PAK5: variants seen among roughly 807,000 people sequenced by gnomAD.
PAK5 encodes p21 (RAC1) activated kinase 5.
Under a neutral mutation model 65.9 loss-of-function variants are expected in PAK5, and 16 were observed. The ratio of observed to expected loss-of-function variants is 0.24; its 90% confidence interval spans 0.16 to 0.37. The LOEUF (loss-of-function observed/expected upper bound fraction) is 0.37. PAK5 is among the 10% of genes least tolerant of loss of function. The pLI, the probability that PAK5 is intolerant of heterozygous loss-of-function variation, is 1.00. For synonymous variants in PAK5, 371 were observed against 354.9 expected (o/e 1.05, Z -0.51); for missense variants, 785 against 903.9 (o/e 0.87, Z 1.69).
At chr20:9,729,013 T>C (rs533094016) in intron 1 of PAK5, among the ~76,000 whole-genome samples, 8 of 152,230 alleles carry the variant, frequency 5.3e-5, no homozygotes, top group East Asian at 1.9e-4. Flanking sequence ...ATGAAGAACA[T>C]ATGGAAATAT....
rs138489576 is a variant in PAK5 at position 9,627,329 on chromosome 20, C to T, written c.204+16796G>A. Among the ~76,000 whole-genome samples, 337 of 152,328 alleles carry T rather than the reference C, an allele frequency of 2.2e-3. 1 individual carries two copies. The highest frequency in any genetic ancestry group is 6.8e-3 in the Middle Eastern group (2 of 294). The stretch of plus-strand genomic sequence containing the variant: ...ACCCCTACAGACTTCAGAAAGTGAA[C>T]TTGGCTTGGGGTTTCCAGCCAATGA... On this transcript the variant is annotated intron_variant, in intron 3 of 9. Transcript: ENST00000353224.
chr20:9,743,205 G>A (rs950483011), intron 1 of PAK5, among the ~76,000 whole-genome samples: 3 of 151,512 alleles, frequency 2.0e-5, no homozygotes, highest in Non-Finnish European at 2.9e-5. Context: ...TCGACTCTAC[G>A]AAAATAATAA....
At chr20:9,593,456 T>G (rs1311623914) in intron 3 of PAK5, among the ~76,000 whole-genome samples, 2 of 152,164 alleles carry the variant, frequency 1.3e-5, no homozygotes, top group African/African-American at 2.4e-5. Flanking sequence ...ATTTATTTAT[T>G]TATTTAAATT....
chr20:9,605,744 C>A (rs984694126), intron 3 of PAK5, among the ~76,000 whole-genome samples: 1 of 152,118 alleles, frequency 6.6e-6, no homozygotes, highest in Non-Finnish European at 1.5e-5. Context: ...GCCTGGTCAA[C>A]ATGGTAAGAC....
intron 1 of PAK5, among the ~76,000 whole-genome samples, chr20:9,830,670 C>T (rs541146973): frequency 2.0e-5 from 3 of 152,212 alleles, no homozygotes; most frequent in South Asian, 2.1e-4. Flanking sequence ...AAATTCCTGC[C>T]GGTATATAAG....
At chr20:9,670,987 C>T (rs2047488915) in intron 2 of PAK5, among the ~76,000 whole-genome samples, 1 of 152,160 alleles carries the variant, frequency 6.6e-6, no homozygotes, top group Non-Finnish European at 1.5e-5. Flanking sequence ...CAGCTTTCTA[C>T]ATATGGCTAG....
intron 3 of PAK5, among the ~76,000 whole-genome samples, chr20:9,630,863 C>T (rs2046912170): frequency 6.6e-6 from 1 of 152,146 alleles, no homozygotes; most frequent in Non-Finnish European, 1.5e-5. Flanking sequence ...CCTCACCCTG[C>T]CCCCATTTTG....
Position 9,631,706 on chromosome 20 carries a change from T to C in PAK5, c.204+12419A>G, listed in dbSNP as rs1310046289. 2.0e-5 allele frequency among the ~76,000 whole-genome samples: 3 copies of C among 152,326 alleles called. No homozygotes were observed. In the East Asian group the frequency reaches 5.8e-4, roughly 29 times the overall value. On this transcript the variant is annotated intron_variant, in intron 3 of 9. Transcript: ENST00000353224. ...GCCATTAACTTAGTGGTAATTGTCATGCAGTAATAGAAAGCTGATATGAAG... is the reference window on the plus strand; with the variant it reads ...GCCATTAACTTAGTGGTAATTGTCACGCAGTAATAGAAAGCTGATATGAAG...
chr20:9,775,158 G>A (rs2048874545), intron 1 of PAK5, among the ~76,000 whole-genome samples: 1 of 152,116 alleles, frequency 6.6e-6, no homozygotes, highest in African/African-American at 2.4e-5. Context: ...TGATAGAAAT[G>A]TTCTATCTTG....
intron 1 of PAK5, among the ~76,000 whole-genome samples, chr20:9,728,819 C>T (rs555642355): frequency 4.6e-5 from 7 of 151,578 alleles, no homozygotes; most frequent in East Asian, 1.9e-4. Context: ...CATTTGTTTA[C>T]GCATTGTCTA....
At chr20:9,724,636 T>C (rs1020257372) in intron 1 of PAK5, among the ~76,000 whole-genome samples, 1 of 152,192 alleles carries the variant, frequency 6.6e-6, no homozygotes, top group African/African-American at 2.4e-5. Context: ...AGGGAGGTTG[T>C]TGGCAATGCA....
At chr20:9,817,497 C>T (rs184368876) in intron 1 of PAK5, among the ~76,000 whole-genome samples, 7 of 152,060 alleles carry the variant, frequency 4.6e-5, no homozygotes, top group East Asian at 1.9e-4. Context: ...CCTTAATCTC[C>T]GGGGAAAGAT....
intron 1 of PAK5, among the ~76,000 whole-genome samples, chr20:9,747,664 T>G (rs1205786070): frequency 6.6e-6 from 1 of 151,890 alleles, no homozygotes; most frequent in African/African-American, 2.4e-5. Flanking sequence ...CTCAATAAAT[T>G]AGGTATTGAT....
At chr20:9,632,421 T>A (rs2046934131) in intron 3 of PAK5, among the ~76,000 whole-genome samples, 1 of 152,318 alleles carries the variant, frequency 6.6e-6, no homozygotes, top group East Asian at 1.9e-4. Context: ...GTTGCATGAT[T>A]TCATTGACAT....
chr20:9,682,555 A>C (rs1277260440), intron 2 of PAK5, among the ~76,000 whole-genome samples: 2 of 152,190 alleles, frequency 1.3e-5, no homozygotes, highest in Non-Finnish European at 2.9e-5. Flanking sequence ...AGGTTGCAGC[A>C]CTGAAGTGAG....
intron 2 of PAK5, among the ~76,000 whole-genome samples, chr20:9,705,232 G>A (rs1217049514): frequency 7.4e-6 from 1 of 135,538 alleles, no homozygotes; most frequent in Admixed American, 7.7e-5. Flanking sequence ...AATGAGATGT[G>A]TCTAATTAAA....
chr20:9,746,291 G>A lies in PAK5; in HGVS notation c.-161-34856C>T, dbSNP rs192011319. On this transcript the variant is annotated intron_variant, in intron 1 of 9. Coordinates refer to ENST00000353224, the MANE Select transcript of PAK5 (RefSeq NM_177990.4). Reference sequence around the variant, plus strand: ...ATCATGGCAGTGCAGGTCTTGGAACGCATCTTTTCTCTATCACCTACATCC... The same window carrying A: ...ATCATGGCAGTGCAGGTCTTGGAACACATCTTTTCTCTATCACCTACATCC... 4.3e-4 allele frequency among the ~76,000 whole-genome samples: 65 copies of A among 152,216 alleles called. 1 individual carries two copies. The highest frequency in any genetic ancestry group is 1.4e-3 in the African/African-American group (57 of 41,550).
At chr20:9,635,392 A>G (rs2046971220) in intron 3 of PAK5, among the ~76,000 whole-genome samples, 1 of 152,096 alleles carries the variant, frequency 6.6e-6, no homozygotes, top group South Asian at 2.1e-4. Flanking sequence ...CAAAATAGCA[A>G]ACTCCTGACT....
chr20:9,819,221 T>C (rs1172969286), intron 1 of PAK5, among the ~76,000 whole-genome samples: 5 of 152,184 alleles, frequency 3.3e-5, no homozygotes, highest in Admixed American at 1.3e-4. Context: ...GTTCTGAATA[T>C]GCAAATGATT....
Sources: gnomAD v4.1 joint callset for allele counts (sites outside exome capture counted in the v4.1 genomes callset) on GRCh38, gnomAD v4.1.1 for gene constraint, MANE v1.5 for transcripts, NCBI Gene and HGNC (gene_info 2026-07-23, HGNC 2026-07-21) for gene names.